Variants in PPP3CA observed in about 807,000 individuals in gnomAD.
The protein encoded by PPP3CA is protein phosphatase 3 catalytic subunit alpha, also known as CAM-PRP catalytic subunit.
PPP3CA carries 14 observed loss-of-function variants against 66.5 expected under a neutral mutation model. The observed-to-expected ratio is 0.21, with a 90% CI of 0.14 to 0.33. The LOEUF is 0.33. PPP3CA is among the 10% of genes least tolerant of loss of function. The pLI is 1.00. For synonymous variants in PPP3CA, 232 were observed against 226.2 expected (o/e 1.03, Z -0.23); for missense variants, 317 against 639.5 (o/e 0.50, Z 5.44).
At chr4:101,065,785 T>C (rs1031267387) in intron 8 of PPP3CA, among the ~76,000 whole-genome samples, 1 of 152,122 alleles carries the variant, frequency 6.6e-6, no homozygotes, top group Non-Finnish European at 1.5e-5. Context: ...TTTGCCAAAA[T>C]ACACGTTTGA....
intron 8 of PPP3CA, among the ~76,000 whole-genome samples, chr4:101,077,824 G>GT (rs74428810): frequency 0.16 from 21,280 of 133,540 alleles, 1,672 homozygotes; most frequent in Middle Eastern, 0.23. Flanking sequence ...ACTGGTATCT[G>GT]TTTTTTTTTT....
chr4:101,146,333 T>C (rs191963059), intron 2 of PPP3CA, among the ~76,000 whole-genome samples: 1 of 152,344 alleles, frequency 6.6e-6, no homozygotes, highest in Non-Finnish European at 1.5e-5. Context: ...ATGTCATTCA[T>C]AATTCTTGCA....
chr4:101,101,937 C>T (rs1461192957), intron 3 of PPP3CA, among the ~76,000 whole-genome samples: 3 of 152,182 alleles, frequency 2.0e-5, no homozygotes, highest in Non-Finnish European at 4.4e-5. Flanking sequence ...AGAGGAATCA[C>T]ATTCTAGGAC....
At chr4:101,127,668 C>T (rs1409643285) in intron 2 of PPP3CA, among the ~76,000 whole-genome samples, 1 of 150,960 alleles carries the variant, frequency 6.6e-6, no homozygotes, top group Non-Finnish European at 1.5e-5. Context: ...GTTGGTAGCA[C>T]TTTGTTGAGG....
In PPP3CA at chr4:101,151,986, T is replaced by C. The variant is rs1490304102; in HGVS notation, c.260-42908A>G. Among the ~76,000 whole-genome samples, 21 of 152,172 alleles carry C rather than the reference T, an allele frequency of 1.4e-4. 1 individual carries two copies. The highest frequency in any genetic ancestry group is 3.1e-4 in the Non-Finnish European group (21 of 68,044). ...TCCTATTTTTCTATACATATGCAAA[T>C]ATTTTATTATTCTGGAAATACAAAA... On this transcript the variant is annotated intron_variant, in intron 2 of 13. Coordinates refer to ENST00000394854, the MANE Select transcript of PPP3CA (RefSeq NM_000944.5).
intron 2 of PPP3CA, among the ~76,000 whole-genome samples, chr4:101,187,650 T>C (rs1219532509): frequency 6.6e-6 from 1 of 152,160 alleles, no homozygotes; most frequent in Admixed American, 6.6e-5. Flanking sequence ...TTCAAATGAA[T>C]AATGTGTTTC....
rs556244769 is a variant in PPP3CA at position 101,299,106 on chromosome 4, GTTTTTT to G, written c.58+47627_58+47632del. ...ATGTCAATATCAAGTGCCATATATC[GTTTTTT>G]TTTTTTTTTTTTTTTTTTTTGGTAC... On this transcript the variant is annotated intron_variant, in intron 1 of 13. Coordinates refer to ENST00000394854, the MANE Select transcript of PPP3CA (RefSeq NM_000944.5). 2.3e-3 allele frequency among the ~76,000 whole-genome samples: 198 copies of G among 85,522 alleles called. 1 individual carries two copies. The South Asian group carries it at 0.034, about 15-fold the overall frequency. 56.1% of individuals were successfully genotyped at this position (85,522 alleles called of 152,430 possible).
intron 2 of PPP3CA, among the ~76,000 whole-genome samples, chr4:101,128,942 T>C (rs994741723): frequency 1.3e-5 from 2 of 152,016 alleles, no homozygotes; most frequent in African/African-American, 4.8e-5. Flanking sequence ...GGGAGCCAAG[T>C]GGTCTTGCTC....
intron 8 of PPP3CA, among the ~76,000 whole-genome samples, chr4:101,065,825 G>GT (rs1296246863): frequency 2.0e-5 from 3 of 152,104 alleles, no homozygotes; most frequent in African/African-American, 7.2e-5. Flanking sequence ...ACAAGCAAGG[G>GT]TAAGTCTCAT....
chr4:101,329,086 A>C (rs1729293848), intron 1 of PPP3CA, among the ~76,000 whole-genome samples: 1 of 152,202 alleles, frequency 6.6e-6, no homozygotes, highest in African/African-American at 2.4e-5. Flanking sequence ...AGGCATATCA[A>C]AAGTGGAGAC....
intron 1 of PPP3CA, among the ~76,000 whole-genome samples, chr4:101,317,839 T>C (rs1046056851): frequency 2.0e-5 from 3 of 152,184 alleles, no homozygotes; most frequent in Non-Finnish European, 2.9e-5. Context: ...GTATCACCAC[T>C]TACCAACTGT....
chr4:101,263,639 C>A (rs1578607880), intron 1 of PPP3CA, among the ~76,000 whole-genome samples: 1 of 151,350 alleles, frequency 6.6e-6, no homozygotes, highest in East Asian at 1.9e-4. Flanking sequence ...AAATGCAACA[C>A]CCTGCCCTGC....
chr4:101,255,281 C>A (rs1726804544), intron 1 of PPP3CA, among the ~76,000 whole-genome samples: 1 of 151,874 alleles, frequency 6.6e-6, no homozygotes, highest in Non-Finnish European at 1.5e-5. Context: ...ACATCTCTTA[C>A]AAAATCTTCC....
chr4:101,129,519 G>A (rs1722358661), intron 2 of PPP3CA, among the ~76,000 whole-genome samples: 1 of 152,138 alleles, frequency 6.6e-6, no homozygotes, highest in Non-Finnish European at 1.5e-5. Context: ...TCTGGTGGGT[G>A]CCCCTCTGGG....
intron 1 of PPP3CA, among the ~76,000 whole-genome samples, chr4:101,252,215 C>A (rs1726700183): frequency 6.6e-6 from 1 of 152,136 alleles, no homozygotes; most frequent in South Asian, 2.1e-4. Context: ...AAGTCCATGT[C>A]CTTAGCCAAA....
intron 2 of PPP3CA, among the ~76,000 whole-genome samples, chr4:101,179,802 T>C (rs1292138466): frequency 4.6e-5 from 7 of 152,146 alleles, no homozygotes; most frequent in Non-Finnish European, 1.0e-4. Flanking sequence ...CTAGAAGAAA[T>C]GTTTTCTTAC....
chr4:101,346,534 G>C (rs578105720), intron 1 of PPP3CA, among the ~76,000 whole-genome samples: 274 of 152,198 alleles, frequency 1.8e-3, no homozygotes, highest in Non-Finnish European at 2.7e-3. Context: ...CCCCAAGTGA[G>C]GCTGGGTGGG....
At chr4:101,212,295 G>A (rs1298139066) in intron 1 of PPP3CA, among the ~76,000 whole-genome samples, 1 of 152,134 alleles carries the variant, frequency 6.6e-6, no homozygotes, top group Non-Finnish European at 1.5e-5. Context: ...TCAACAGTGA[G>A]ACCATGTCCT....
intron 2 of PPP3CA, among the ~76,000 whole-genome samples, chr4:101,119,407 G>A: frequency 6.6e-6 from 1 of 151,956 alleles, no homozygotes; most frequent in East Asian, 1.9e-4. Context: ...AGACCACTGT[G>A]TTCCACAGCT....
Sources: gnomAD v4.1 joint callset for allele counts (sites outside exome capture counted in the v4.1 genomes callset) on GRCh38, gnomAD v4.1.1 for gene constraint, MANE v1.5 for transcripts, NCBI Gene and HGNC (gene_info 2026-07-23, HGNC 2026-07-21) for gene names.